The following OXR1 variants were observed in gnomAD, a reference collection of about 807,000 sequenced individuals.
OXR1 encodes the protein oxidation resistance protein 1.
Under a neutral mutation model 104.6 loss-of-function variants are expected in OXR1, and 41 were observed. The observed-to-expected ratio is 0.39, with a 90% confidence interval of 0.31 to 0.51. The LOEUF (loss-of-function observed/expected upper bound fraction) is 0.51. Among genes scored for constraint, OXR1 ranks in the 20% least tolerant of loss-of-function variants. The pLI is 0.77. For missense variants in OXR1, 955 were observed against 1,031.9 expected (o/e 0.93, Z 1.02); for synonymous variants, 348 against 348.4 (o/e 1.00, Z 0.01).
In OXR1 at chr8:106,519,110, G is replaced by A. The variant is rs186888358; in HGVS notation, c.191G>A (p.Arg64Lys). 15 of 1,551,824 alleles carry A rather than the reference G, an allele frequency of 9.7e-6. No individual in the cohort carries two copies. Among genetic ancestry groups the A allele is most frequent in the African/African-American group, 1.4e-5 (1 of 73,104 alleles). The change falls in exon 3 of 17, where the codon AGG (arginine) becomes AAG (lysine). Residue 64 changes from arginine (R) to lysine (K), a missense_variant. This residue lies in a region of OXR1 where 849 missense variants were observed against 852.9 expected (regional missense o/e 1.00). Transcript: ENST00000517566. ...AATACTCAGAAACATCCTTCCAGAA[G>A]GAGCGAACTGAAGAGGTTCTACACA... Reference protein sequence around the residue: ...AANTQKHPSRRSELKRFYTID... With the variant: ...AANTQKHPSRKSELKRFYTID...
At chr8:106,449,918 A>G (rs1040389054) in intron 2 of OXR1, among the ~76,000 whole-genome samples, 2 of 152,096 alleles carry the variant, frequency 1.3e-5, no homozygotes, top group Non-Finnish European at 2.9e-5. Context: ...TGCTTGCCAC[A>G]TGTATGCTGT....
rs557199917 is a variant in OXR1 at position 106,489,063 on chromosome 8, A to G, written c.24-29880A>G. On this transcript the variant is annotated intron_variant, in intron 2 of 16. Coordinates refer to ENST00000517566, the MANE Select transcript of OXR1 (RefSeq NM_001198533.2). ...GATTCTTCCTACCCATGAGCATGGAATGTTCTTCCATTTCTTTGTATCCTC... is the reference window on the plus strand; with the variant it reads ...GATTCTTCCTACCCATGAGCATGGAGTGTTCTTCCATTTCTTTGTATCCTC... 2.0e-5 allele frequency among the ~76,000 whole-genome samples: 3 copies of G among 149,410 alleles called. No homozygotes were observed. The South Asian group carries it at 6.5e-4, about 32-fold the overall frequency.
intron 1 of OXR1, among the ~76,000 whole-genome samples, chr8:106,345,068 G>T (rs542274676): frequency 6.6e-6 from 1 of 152,164 alleles, no homozygotes; most frequent in Non-Finnish European, 1.5e-5. Flanking sequence ...CTGTGTTTCT[G>T]TATTTATGTT....
intron 2 of OXR1, among the ~76,000 whole-genome samples, chr8:106,377,046 C>T (rs1034886113): frequency 6.6e-6 from 1 of 152,086 alleles, no homozygotes; most frequent in Non-Finnish European, 1.5e-5. Flanking sequence ...TTCTATGGAA[C>T]TCTATGGAAT....
Position 106,706,751 on chromosome 8 carries a change from T to G in OXR1, c.1230T>G (p.His410Gln), listed in dbSNP as rs373215552. The G allele has an allele frequency of 6.2e-7, 1 of 1,612,412 alleles. No individual in the cohort carries two copies. The highest frequency in any genetic ancestry group is 8.5e-7 in the Non-Finnish European group (1 of 1,179,682). ...HSTNEVGTLC[H>Q]KTDLNNLEMA... Reference sequence around the variant, plus strand: ...CAAATGAAGTTGGGACTTTATGTCATAAAACTGATTTAAATAATCTTGAAA... The same window carrying G: ...CAAATGAAGTTGGGACTTTATGTCAGAAAACTGATTTAAATAATCTTGAAA... The change falls in exon 9 of 17, where the codon CAT (histidine) becomes CAG (glutamine). Residue 410 changes from histidine (H) to glutamine (Q), a missense_variant. Physicochemically the swap from His to Gln is conservative, Grantham distance 24. Transcript: ENST00000517566.
chr8:106,362,286 A>T (rs1267335246), intron 2 of OXR1, among the ~76,000 whole-genome samples: 1 of 152,132 alleles, frequency 6.6e-6, no homozygotes, highest in African/African-American at 2.4e-5. Flanking sequence ...CCACGTGTTG[A>T]TTTTAAAATG....
At chr8:106,601,131 G>T (rs1051014390) in intron 3 of OXR1, among the ~76,000 whole-genome samples, 1 of 152,106 alleles carries the variant, frequency 6.6e-6, no homozygotes, top group Non-Finnish European at 1.5e-5. Flanking sequence ...TGATCTTAGG[G>T]CACTGTTTGC....
At chr8:106,739,701 A>G (rs1049407872) in intron 13 of OXR1, 118 bp downstream of exon 13, 6 of 936,220 alleles carry the variant, frequency 6.4e-6, no homozygotes, top group Non-Finnish European at 9.4e-6. Flanking sequence ...ATTCCACTCC[A>G]GTGAAAAGAA....
At chr8:106,450,755 A>C (rs1269239843) in intron 2 of OXR1, among the ~76,000 whole-genome samples, 4 of 135,016 alleles carry the variant, frequency 3.0e-5, no homozygotes, top group Non-Finnish European at 6.1e-5. Context: ...AGAGCTCTGA[A>C]AGAGGGTGCT....
At chr8:106,512,696 G>A (rs972384329) in intron 2 of OXR1, among the ~76,000 whole-genome samples, 7 of 152,124 alleles carry the variant, frequency 4.6e-5, no homozygotes, top group African/African-American at 1.4e-4. Flanking sequence ...CATGATAGAC[G>A]AGGAAAGATG....
chr8:106,750,324 C>CTTTTTT (rs35858491), intron 16 of OXR1, among the ~76,000 whole-genome samples: 7 of 138,192 alleles, frequency 5.1e-5, no homozygotes, highest in Non-Finnish European at 9.3e-5. Flanking sequence ...CTTTTCTTTT[C>CTTTTTT]TTTTTTTTTT....
chr8:106,587,865 A>G (rs1336873219), intron 3 of OXR1, among the ~76,000 whole-genome samples: 2 of 152,180 alleles, frequency 1.3e-5, no homozygotes, highest in African/African-American at 4.8e-5. Context: ...TAGTACAGAG[A>G]AGGAAAAGAT....
chr8:106,447,899 C>T (rs1586652935), intron 2 of OXR1: 3 of 1,507,124 alleles, frequency 2.0e-6, no homozygotes, highest in East Asian at 4.9e-5. Context: ...CAGCCGGGCT[C>T]CTGGCGGAGG....
chr8:106,621,540 T>A (rs2061685), intron 3 of OXR1, among the ~76,000 whole-genome samples: 8,338 of 152,076 alleles, frequency 0.055, 266 homozygotes, highest in South Asian at 0.077. Context: ...ACTTGTTATT[T>A]TTGCATCTTT....
chr8:106,720,795 C>T (rs1316423175), intron 11 of OXR1: 2 of 583,898 alleles, frequency 3.4e-6, no homozygotes, highest in East Asian at 2.9e-4. Context: ...CCATCAAATA[C>T]CCTTTAAAAT....
At chr8:106,428,344 G>T (rs754126024) in intron 2 of OXR1, among the ~76,000 whole-genome samples, 3 of 152,158 alleles carry the variant, frequency 2.0e-5, no homozygotes, top group Admixed American at 6.5e-5. Context: ...TTTTCAGAAG[G>T]CTCTTCTGTG....
Position 106,752,655 on chromosome 8 carries a change from A to C in OXR1, c.*1714A>C, listed in dbSNP as rs1017025190. On this transcript the variant is annotated 3_prime_UTR_variant, in exon 17 of 17. Transcript: ENST00000517566. ...TGGATTTCTACTAAAATAAGGTCAT[A>C]GTGGCATATACCAAATAAAATCAAA... 2 of 152,548 alleles carry C rather than the reference A, an allele frequency of 1.3e-5. No individual in the cohort carries two copies. Among genetic ancestry groups the C allele is most frequent in the Non-Finnish European group, 2.9e-5 (2 of 67,964 alleles). 9.4% of individuals were successfully genotyped at this position (152,548 alleles called of 1,614,324 possible). A position where few individuals can be genotyped will look rare whatever the true frequency, so the allele number is the denominator to read the frequency against.
chr8:106,495,807 T>C (rs1811374773), intron 2 of OXR1, among the ~76,000 whole-genome samples: 1 of 152,180 alleles, frequency 6.6e-6, no homozygotes, highest in African/African-American at 2.4e-5. Flanking sequence ...TAAAATACTT[T>C]AGAGATTGGA....
chr8:106,740,148 G>C, intron 13 of OXR1, 195 bp from the exon 14 acceptor site: 1 of 471,098 alleles, frequency 2.1e-6, no homozygotes, highest in Non-Finnish European at 3.7e-6. Flanking sequence ...TTTCCTAATA[G>C]ACAATTAATA....
Sources: gnomAD v4.1 joint callset for allele counts (sites outside exome capture counted in the v4.1 genomes callset) on GRCh38, gnomAD v4.1.1 for gene constraint, gnomAD v4.1.1 regional missense constraint, MANE v1.5 for transcripts, NCBI Gene and HGNC (gene_info 2026-07-23, HGNC 2026-07-21) for gene names.